Variants in ZNF763 observed in about 807,000 individuals in gnomAD.
The protein encoded by ZNF763 is DNA-binding protein.
A neutral mutation model predicts 38.0 loss-of-function variants in ZNF763; 33 were observed. The observed-to-expected ratio is 0.87, with a 90% CI of 0.66 to 1.16. ZNF763 has a LOEUF of 1.16. Ranked by LOEUF, ZNF763 falls within the 50% of genes most tolerant of loss-of-function variation. The pLI is 0.00. For synonymous variants in ZNF763, 155 were observed against 160.1 expected (o/e 0.97, Z 0.24); for missense variants, 423 against 469.1 (o/e 0.90, Z 0.91).
intron 3 of ZNF763, 67 bp downstream of exon 3, chr19:11,977,498 G>A: frequency 6.4e-7 from 1 of 1,555,708 alleles, no homozygotes. Context: ...ATGTTGAAGA[G>A]AAGTAAAACA....
Position 11,978,317 on chromosome 19 carries a change from C to G in ZNF763, c.393C>G (p.His131Gln), listed in dbSNP as rs185143376. ...TGAACATCAGAGGTGACATTGGGCA[C>G]AAGGCATACGAGTATCAGGACTATG... ...FNMNIRGDIG[H>Q]KAYEYQDYAP... The change falls in exon 4 of 4, where the codon CAC becomes CAG. Residue 131 changes from histidine (H) to glutamine (Q), a missense_variant. His to Gln is a conservative substitution (Grantham distance 24, BLOSUM62 0). Coordinates refer to ENST00000358987, the MANE Select transcript of ZNF763 (RefSeq NM_001367172.2). The G allele has an allele frequency of 3.3e-5, 53 of 1,614,052 alleles. 1 individual carries two copies. In the East Asian group the frequency reaches 5.1e-4, roughly 16 times the overall value.
chr19:11,965,191 A>C lies in ZNF763; in HGVS notation c.-18A>C. 1.2e-6 allele frequency: 2 copies of C among 1,614,046 alleles called. No individual in the cohort carries two copies. Among genetic ancestry groups the C allele is most frequent in the Non-Finnish European group, 1.7e-6 (2 of 1,179,942 alleles). ...CAGGAGCTGTAGAGAGGACCCCAGG[A>C]CATCTGAAAGCCAGGAAATGGTGCG... On this transcript the variant is annotated 5_prime_UTR_variant, in exon 1 of 4. Coordinates refer to ENST00000358987, the MANE Select transcript of ZNF763 (RefSeq NM_001367172.2).
rs763211708 is a variant in ZNF763 at position 11,979,005 on chromosome 19, A to G, written c.1081A>G (p.Thr361Ala). The G allele has an allele frequency of 1.2e-6, 2 of 1,614,228 alleles. No individual in the cohort carries two copies. Among genetic ancestry groups the G allele is most frequent in the South Asian group, 1.1e-5 (1 of 91,088 alleles). The change falls in exon 4 of 4, where the codon ACC (threonine) becomes GCC (alanine). Residue 361 changes from threonine to alanine, a missense_variant. Thr to Ala is a moderately conservative substitution (Grantham distance 58). Coordinates refer to ENST00000358987, the MANE Select transcript of ZNF763 (RefSeq NM_001367172.2). ...CAGTTCCCTTCGTAGACATGAAAGGACCCACTCTGCGAAAAAACCTTATGA... is the reference window on the plus strand; with the variant it reads ...CAGTTCCCTTCGTAGACATGAAAGGGCCCACTCTGCGAAAAAACCTTATGA... The part of the protein sequence containing the change: ...YPSSLRRHER[T>A]HSAKKPYECK...
At chr19:11,972,085 A>G (rs890285187) in intron 1 of ZNF763, among the ~76,000 whole-genome samples, 2 of 151,962 alleles carry the variant, frequency 1.3e-5, no homozygotes, top group Admixed American at 6.6e-5. Context: ...AAGAAAAGAA[A>G]AGAAATTAGT....
chr19:11,975,640 C>T (rs1337338099), intron 1 of ZNF763, among the ~76,000 whole-genome samples: 1 of 148,324 alleles, frequency 6.7e-6, no homozygotes, highest in African/African-American at 2.5e-5. Context: ...CCTCGGCCTA[C>T]CAAAGTGTTG....
At chr19:11,971,582 A>G (rs1266602411) in intron 1 of ZNF763, among the ~76,000 whole-genome samples, 10 of 152,236 alleles carry the variant, frequency 6.6e-5, no homozygotes, top group African/African-American at 2.4e-4. Flanking sequence ...ATTTCATGGA[A>G]TAAAATATAA....
Position 11,978,270 on chromosome 19 carries a change from A to T in ZNF763, c.346A>T (p.Ile116Leu). Residue 116 changes from isoleucine (I) to leucine (L), a missense_variant, in exon 4 of 4, where the codon ATA (isoleucine) becomes TTA (leucine). Transcript: ENST00000358987. ...TAACTTTGTATGTGGAGAAGTTGGC[A>T]TAGGTAACTCATCTTTTAATATGAA... ...CDNFVCGEVG[I>L]GNSSFNMNIR... The T allele has an allele frequency of 6.2e-7, 1 of 1,614,134 alleles. No individual in the cohort carries two copies. Among genetic ancestry groups the T allele is most frequent in the South Asian group, 1.1e-5 (1 of 91,086 alleles).
intron 1 of ZNF763, among the ~76,000 whole-genome samples, chr19:11,973,717 ATT>A (rs34111838): frequency 1.1e-3 from 160 of 142,504 alleles, no homozygotes; most frequent in African/African-American, 3.3e-3. Context: ...GACCTTGTTA[ATT>A]TTTTTTTTTT....
chr19:11,966,274 C>T (rs890407233), intron 1 of ZNF763, among the ~76,000 whole-genome samples: 4 of 152,296 alleles, frequency 2.6e-5, no homozygotes, highest in South Asian at 2.1e-4. Flanking sequence ...ACCTGTCTCA[C>T]CTGCCATCCT....
intron 3 of ZNF763, 33 bp downstream of exon 3, chr19:11,977,464 T>C: frequency 3.1e-6 from 5 of 1,606,312 alleles, no homozygotes; most frequent in Non-Finnish European, 4.3e-6. Context: ...GCAGTGTCTC[T>C]AGATGATTTT....
At chr19:11,968,347 GC>G (rs1340094598) in intron 1 of ZNF763, among the ~76,000 whole-genome samples, 1 of 152,026 alleles carries the variant, frequency 6.6e-6, no homozygotes, top group African/African-American at 2.4e-5. Context: ...GACCTCCCCA[GC>G]TCAAGCACCT....
In ZNF763 at chr19:11,968,844, C is replaced by T. The variant is rs560482185; in HGVS notation, c.3+3633C>T. Among the ~76,000 whole-genome samples, 5 of 152,016 alleles carry T rather than the reference C, an allele frequency of 3.3e-5. No homozygotes were observed. The South Asian group carries it at 1.0e-3, about 32-fold the overall frequency. Reference sequence around the variant, plus strand: ...AGACCAGCCTGGCAACATAGTGAGACCCCATCTCAATTGTGAAAAATCATA... The same window carrying T: ...AGACCAGCCTGGCAACATAGTGAGATCCCATCTCAATTGTGAAAAATCATA... On this transcript the variant is annotated intron_variant, in intron 1 of 3. Coordinates refer to ENST00000358987, the MANE Select transcript of ZNF763 (RefSeq NM_001367172.2).
Position 11,977,164 on chromosome 19 carries a change from G to T in ZNF763, c.130G>T (p.Gly44Trp), listed in dbSNP as rs780234219. ...AACTTTCAGGAACCTGACCTCTATA[G>T]GTAAGGATGACAATATTCCTTCCCT... The part of the protein sequence containing the change: ...LETFRNLTSI[G>W]KKWKDQNIEY... The change falls in exon 2 of 4, where the codon GGG becomes TGG. Residue 44 changes from glycine to tryptophan, a missense_variant and splice_region_variant. Gly to Trp is a radical substitution (Grantham distance 184, BLOSUM62 -2). Coordinates refer to ENST00000358987, the MANE Select transcript of ZNF763 (RefSeq NM_001367172.2). 6.2e-7 allele frequency: 1 copy of T among 1,613,880 alleles called. No homozygotes were observed. The highest frequency in any genetic ancestry group is 8.5e-7 in the Non-Finnish European group (1 of 1,179,982).
chr19:11,974,005 G>A (rs1973403930), intron 1 of ZNF763, among the ~76,000 whole-genome samples: 1 of 151,910 alleles, frequency 6.6e-6, no homozygotes, highest in African/African-American at 2.4e-5. Context: ...TTGGGATTTA[G>A]GCTACCCCAC....
Position 11,978,214 on chromosome 19 carries a change from AG to A in ZNF763, c.291del (p.Ala99LeufsTer18). ...GATGACAGGCTGAACTTCCAGGAGA[AG>A]AAAGCTTCTCCTGAAGCAAAATCAT... ...VPDDRLNFQE[K>X]KASPEAKSCD... On this transcript the variant is annotated frameshift_variant, in exon 4 of 4. Transcript: ENST00000358987. LOFTEE classifies it high-confidence loss of function. The A allele has an allele frequency of 6.2e-7, 1 of 1,613,822 alleles. No individual in the cohort carries two copies. The highest frequency in any genetic ancestry group is 1.1e-5 in the South Asian group (1 of 90,802).
rs749065655 is a variant in ZNF763, at chr19:11,978,095, T to C, written c.192-21T>C. On this transcript the variant is annotated intron_variant, in intron 3 of 3. Transcript: ENST00000358987. ...AAAATTACTCATAAACCCTTCATAA[T>C]GTGCTTCTCACTTTTGACAGGAGTC... The C allele has an allele frequency of 1.9e-6, 3 of 1,603,776 alleles. No individual in the cohort carries two copies. In the South Asian group the frequency reaches 3.4e-5, roughly 18 times the overall value.
intron 3 of ZNF763, 107 bp downstream of exon 3, chr19:11,977,538 CTTCTT>C (rs994990149): frequency 7.4e-7 from 1 of 1,359,042 alleles, no homozygotes; most frequent in Non-Finnish European, 1.0e-6. Context: ...AAATTCATCT[CTTCTT>C]AGAATATTTT....
At chr19:11,977,223 G>A (rs890747414) in intron 2 of ZNF763, 59 bp downstream of exon 2, 6 of 1,603,236 alleles carry the variant, frequency 3.7e-6, no homozygotes, top group Non-Finnish European at 5.1e-6. Flanking sequence ...TCTAGCTCAT[G>A]AATGCTGTTG....
At chr19:11,965,263 C>G in intron 1 of ZNF763, 52 bp downstream of exon 1, 1 of 1,612,066 alleles carries the variant, frequency 6.2e-7, no homozygotes, top group South Asian at 1.1e-5. Context: ...TGCCTGGAAC[C>G]GGCCGGAACC....
Sources: allele counts gnomAD v4.1 joint callset (sites outside exome capture counted in the v4.1 genomes callset), GRCh38; gene constraint gnomAD v4.1.1; transcripts MANE v1.5; gene names NCBI Gene and HGNC (gene_info 2026-07-23, HGNC 2026-07-21).